Variants in RPIA observed in about 807,000 individuals in gnomAD.
RPIA encodes the protein ribose 5-phosphate isomerase A.
RPIA carries 29 observed loss-of-function variants against 37.8 expected under a neutral mutation model. That is an observed-to-expected ratio of 0.77 (90% CI 0.57 to 1.05). The LOEUF (loss-of-function observed/expected upper bound fraction) is 1.05. Among genes scored for constraint, RPIA ranks in the 50% least tolerant of loss-of-function variants. RPIA has a pLI of 0.00. For missense variants in RPIA, 385 were observed against 413.6 expected (o/e 0.93, Z 0.60); for synonymous variants, 167 against 157.0 (o/e 1.06, Z -0.48).
intron 6 of RPIA, 82 bp from the exon 7 acceptor site, chr2:88,736,453 T>G: frequency 6.7e-7 from 1 of 1,495,120 alleles, no homozygotes. Flanking sequence ...ACCATCTCAT[T>G]AACCCTGTTC....
intron 8 of RPIA, among the ~76,000 whole-genome samples, chr2:88,743,659 G>T (rs1211243606): frequency 7.2e-5 from 11 of 151,958 alleles, no homozygotes; most frequent in Admixed American, 7.2e-4. Flanking sequence ...GAATCCATTT[G>T]GTTCTGGACT....
intron 3 of RPIA, among the ~76,000 whole-genome samples, chr2:88,729,033 G>A (rs1673232485): frequency 6.6e-6 from 1 of 152,188 alleles, no homozygotes; most frequent in Admixed American, 6.5e-5. Context: ...CACTGACGAG[G>A]AGCTCTTAGC....
At chr2:88,738,874 G>A (rs533598786) in intron 8 of RPIA, among the ~76,000 whole-genome samples, 6 of 152,304 alleles carry the variant, frequency 3.9e-5, no homozygotes, top group East Asian at 3.9e-4. Flanking sequence ...ACCAAGATGG[G>A]CACCCTAAGT....
intron 3 of RPIA, among the ~76,000 whole-genome samples, chr2:88,724,964 TGAAGGGAAAACA>T: frequency 6.6e-6 from 1 of 152,274 alleles, no homozygotes; most frequent in South Asian, 2.1e-4. Flanking sequence ...TATTGTAAAA[TGAAGGGAAAACA>T]GAAGTACCAG....
At chr2:88,698,285 A>G (rs1672784011) in intron 1 of RPIA, among the ~76,000 whole-genome samples, 199 bp from the exon 2 acceptor site, 1 of 151,646 alleles carries the variant, frequency 6.6e-6, no homozygotes, top group Non-Finnish European at 1.5e-5. Context: ...CTTGTTGAAC[A>G]TTTGTCCACC....
chr2:88,726,822 AC>A (rs948890557), intron 3 of RPIA, among the ~76,000 whole-genome samples: 65 of 152,118 alleles, frequency 4.3e-4, no homozygotes, highest in African/African-American at 1.5e-3. Context: ...GCTCACTGCC[AC>A]CCTCCACCTC....
intron 3 of RPIA, among the ~76,000 whole-genome samples, chr2:88,726,445 G>A (rs930960528): frequency 6.6e-6 from 1 of 151,850 alleles, no homozygotes; most frequent in Non-Finnish European, 1.5e-5. Flanking sequence ...TTCTTCCAGT[G>A]TGACCCAGGG....
chr2:88,715,015 C>CT (rs779400399), intron 3 of RPIA, among the ~76,000 whole-genome samples: 12 of 152,238 alleles, frequency 7.9e-5, no homozygotes, highest in South Asian at 4.2e-4. Context: ...CCAGTCTTCT[C>CT]TTTTTTTTAC....
At chr2:88,709,143 G>A (rs1672932953) in intron 3 of RPIA, among the ~76,000 whole-genome samples, 1 of 152,202 alleles carries the variant, frequency 6.6e-6, no homozygotes, top group South Asian at 2.1e-4. Flanking sequence ...GTTGGAAAAT[G>A]GGCCAGATTT....
rs111961764 is a variant in RPIA at position 88,735,156 on chromosome 2, C to T, written c.528-513C>T. Among the ~76,000 whole-genome samples the T allele has an allele frequency of 1.0e-3, 157 of 152,306 alleles. 2 individuals are homozygous for T. In the Middle Eastern group the frequency reaches 0.034, roughly 33 times the overall value. On this transcript the variant is annotated intron_variant, in intron 5 of 8. Coordinates refer to ENST00000283646, the MANE Select transcript of RPIA (RefSeq NM_144563.3). The stretch of plus-strand genomic sequence containing the variant: ...AGCATTTGTTTAAAATCACACTTTA[C>T]TGTTTATTAGATTTTCTTACGTGTT...
intron 4 of RPIA, among the ~76,000 whole-genome samples, chr2:88,733,317 A>G (rs995730276): frequency 6.6e-6 from 1 of 152,154 alleles, no homozygotes; most frequent in African/African-American, 2.4e-5. Flanking sequence ...GGGTGGTTTT[A>G]TGGCACCTGG....
At chr2:88,739,703 G>GAC (rs1369293068) in intron 8 of RPIA, among the ~76,000 whole-genome samples, 2 of 152,044 alleles carry the variant, frequency 1.3e-5, no homozygotes, top group Non-Finnish European at 2.9e-5. Context: ...CTGCAGCATT[G>GAC]ACCTCCTGGG....
At chr2:88,714,822 C>G (rs562312576) in intron 3 of RPIA, among the ~76,000 whole-genome samples, 3 of 152,192 alleles carry the variant, frequency 2.0e-5, no homozygotes, top group Non-Finnish European at 4.4e-5. Flanking sequence ...TGTTTGTCAG[C>G]CACCGAGTTC....
rs529375753 is a variant in RPIA, at chr2:88,712,854, CCTTG to C, written c.402+12794_402+12797del. On this transcript the variant is annotated intron_variant, in intron 3 of 8. Coordinates refer to ENST00000283646, the MANE Select transcript of RPIA (RefSeq NM_144563.3). ...TCTCTTTTCTCTTGTTTTGGGTTGC[CCTTG>C]CTTCTTCTTCTTCTTCTTTTCTTTT... Among the ~76,000 whole-genome samples the C allele has an allele frequency of 3.2e-4, 49 of 151,660 alleles. 2 individuals are homozygous for C. The South Asian group carries it at 9.6e-3, about 30-fold the overall frequency.
At chr2:88,745,876 A>C (rs1483107106) in intron 8 of RPIA, among the ~76,000 whole-genome samples, 1 of 152,190 alleles carries the variant, frequency 6.6e-6, no homozygotes, top group Non-Finnish European at 1.5e-5. Flanking sequence ...AAGCTTTCCA[A>C]ACTTTTTGAT....
At chr2:88,727,933 GGAGA>G (rs1673218881) in intron 3 of RPIA, among the ~76,000 whole-genome samples, 1 of 152,108 alleles carries the variant, frequency 6.6e-6, no homozygotes, top group African/African-American at 2.4e-5. Context: ...AGTTCAGAAA[GGAGA>G]GAGAACAATA....
chr2:88,749,907 G>A lies in RPIA; in HGVS notation c.839-74G>A. On this transcript the variant is annotated intron_variant, in intron 8 of 8. Coordinates refer to ENST00000283646, the MANE Select transcript of RPIA (RefSeq NM_144563.3). ...GCTGTGTATGACAGTTGCTTCTAGT[G>A]ACCCTGCAGTCTTTGAGTCTCTTTT... 5 of 996,702 alleles carry A rather than the reference G, an allele frequency of 5.0e-6. No homozygotes were observed. The South Asian group carries it at 5.3e-5, about 10-fold the overall frequency. 61.7% of individuals were successfully genotyped at this position (996,702 alleles called of 1,614,324 possible).
intron 3 of RPIA, among the ~76,000 whole-genome samples, chr2:88,709,392 G>A (rs1376394630): frequency 1.3e-5 from 2 of 152,202 alleles, no homozygotes; most frequent in East Asian, 3.9e-4. Context: ...GATATCAGAA[G>A]GTCTGGTGGG....
chr2:88,745,563 T>G (rs1673429579), intron 8 of RPIA, among the ~76,000 whole-genome samples: 1 of 152,094 alleles, frequency 6.6e-6, no homozygotes, highest in African/African-American at 2.4e-5. Context: ...TACAAAATTC[T>G]TGGCTGATAA....
Sources: allele counts gnomAD v4.1 joint callset (sites outside exome capture counted in the v4.1 genomes callset), GRCh38; gene constraint gnomAD v4.1.1; transcripts MANE v1.5; gene names NCBI Gene and HGNC (gene_info 2026-07-23, HGNC 2026-07-21).